The following PTPRD variants were observed in gnomAD, a reference collection of about 807,000 sequenced individuals.
The protein encoded by PTPRD is protein tyrosine phosphatase receptor type D.
PTPRD carries 34 observed loss-of-function variants against 214.5 expected under a neutral mutation model. The ratio of observed to expected loss-of-function variants is 0.16; its 90% CI spans 0.12 to 0.21. The LOEUF is 0.21. Ranked by LOEUF, PTPRD falls within the 10% of genes least tolerant of loss-of-function variation. PTPRD has a pLI of 1.00. For synonymous variants in PTPRD, 1,128 were observed against 845.7 expected, an observed-to-expected ratio of 1.33 and a Z score of -5.79; for missense variants, 2,545 against 2,398.7, an observed-to-expected ratio of 1.06 and a Z score of -1.27.
intron 9 of PTPRD, among the ~76,000 whole-genome samples, chr9:9,283,210 C>T (rs1250544283): frequency 6.6e-6 from 1 of 151,432 alleles, no homozygotes; most frequent in Non-Finnish European, 1.5e-5. Flanking sequence ...AGATGAGGTA[C>T]AAAACTTCAC....
At chr9:9,113,858 C>T (rs1425823220) in intron 10 of PTPRD, among the ~76,000 whole-genome samples, 1 of 152,102 alleles carries the variant, frequency 6.6e-6, no homozygotes, top group African/African-American at 2.4e-5. Flanking sequence ...ACTCAGTTCT[C>T]TTTATAGATA....
intron 14 of PTPRD, among the ~76,000 whole-genome samples, chr9:8,565,029 C>A (rs1459944955): frequency 6.6e-6 from 1 of 152,012 alleles, no homozygotes; most frequent in African/African-American, 2.4e-5. Flanking sequence ...TGAAAAATGC[C>A]CTCAAATGAA....
At chr9:10,220,758 T>A (rs2099568279) in intron 3 of PTPRD, among the ~76,000 whole-genome samples, 1 of 151,866 alleles carries the variant, frequency 6.6e-6, no homozygotes, top group South Asian at 2.1e-4. Context: ...ATCTATTATA[T>A]GTGTTTGTAT....
rs1372313981 is a variant in PTPRD, at chr9:8,486,318, G to A, written c.2499C>T (p.His833=). 9 of 1,614,050 alleles carry A rather than the reference G, an allele frequency of 5.6e-6. No homozygotes were observed. The highest frequency in any genetic ancestry group is 1.3e-5 in the African/African-American group (1 of 74,934). ...VPGKPRLVIN[H]TQMNTALIQW... is the part of the protein sequence containing the mutation. ...GAATAAGAGCAGTATTCATCTGAGT[G>A]TGGTTAATCACAAGCCGAGGTTTCC... is the stretch of plus-strand genomic sequence containing the variant. The change falls in exon 28 of 46, where the codon CAC becomes CAT. Residue 833 remains histidine (H), a synonymous_variant. Coordinates refer to ENST00000381196, the MANE Select transcript of PTPRD (RefSeq NM_002839.4).
chr9:10,022,289 TTGTTA>T (rs896033906), intron 4 of PTPRD, among the ~76,000 whole-genome samples: 2 of 110,898 alleles, frequency 1.8e-5, no homozygotes, highest in Non-Finnish European at 3.7e-5. Flanking sequence ...ACTTTCTTCC[TTGTTA>T]TGTTCGATGA....
rs1314239742 is a variant in PTPRD, at chr9:9,947,576, T to A, written c.-471-8966A>T. Among the ~76,000 whole-genome samples the A allele has an allele frequency of 3.7e-3, 174 of 46,598 alleles. 9 individuals are homozygous for A. In the South Asian group the frequency reaches 0.061, roughly 16 times the overall value. 30.6% of individuals were successfully genotyped at this position (46,598 alleles called of 152,430 possible). A position where few individuals can be genotyped will look rare whatever the true frequency, so the allele number is the denominator to read the frequency against. On this transcript the variant is annotated intron_variant, in intron 4 of 45. Transcript: ENST00000381196. Reference sequence around the variant, plus strand: ...TTATATATATATTTTATATATATATTATATATATATTATATATATAATATA... The same window carrying A: ...TTATATATATATTTTATATATATATAATATATATATTATATATATAATATA...
intron 9 of PTPRD, among the ~76,000 whole-genome samples, chr9:9,335,453 T>C (rs1442960350): frequency 6.6e-6 from 1 of 152,058 alleles, no homozygotes; most frequent in Non-Finnish European, 1.5e-5. Flanking sequence ...TTTTAACGGG[T>C]AGTGTACAGT....
intron 9 of PTPRD, among the ~76,000 whole-genome samples, chr9:9,301,420 T>C (rs576478968): frequency 6.6e-6 from 1 of 151,964 alleles, no homozygotes; most frequent in South Asian, 2.1e-4. Context: ...ATCATAAAGA[T>C]GGTGGCACAG....
chr9:9,296,279 G>C (rs867839736), intron 9 of PTPRD, among the ~76,000 whole-genome samples: 4 of 151,682 alleles, frequency 2.6e-5, no homozygotes, highest in South Asian at 2.1e-4. Flanking sequence ...TGGGACAAAT[G>C]TTCTCACATG....
chr9:8,440,971 T>G (rs749009316), intron 34 of PTPRD, among the ~76,000 whole-genome samples: 3 of 152,166 alleles, frequency 2.0e-5, no homozygotes, highest in Non-Finnish European at 4.4e-5. Context: ...AACATGCAGC[T>G]TGGGCATCTT....
At chr9:8,456,115 C>G (rs2096190347) in intron 33 of PTPRD, among the ~76,000 whole-genome samples, 2 of 152,096 alleles carry the variant, frequency 1.3e-5, no homozygotes, top group African/African-American at 4.8e-5. Context: ...GACTTGTATA[C>G]ATTTAATTAT....
At chr9:9,378,198 C>T (rs897312324) in intron 9 of PTPRD, among the ~76,000 whole-genome samples, 3 of 152,162 alleles carry the variant, frequency 2.0e-5, no homozygotes, top group African/African-American at 4.8e-5. Flanking sequence ...CTAATCCACA[C>T]TGCAACCCCT....
intron 10 of PTPRD, among the ~76,000 whole-genome samples, chr9:9,078,696 G>C (rs2099754663): frequency 6.6e-6 from 1 of 152,026 alleles, no homozygotes; most frequent in African/African-American, 2.4e-5. Context: ...GGAAAGTATG[G>C]ATGGCAAAGG....
intron 2 of PTPRD, among the ~76,000 whole-genome samples, chr9:10,358,216 G>A (rs2097312485): frequency 6.6e-6 from 1 of 151,976 alleles, no homozygotes; most frequent in South Asian, 2.1e-4. Flanking sequence ...TCTACATAAT[G>A]AATTAACAGT....
intron 3 of PTPRD, among the ~76,000 whole-genome samples, chr9:10,162,198 A>C (rs2099131356): frequency 6.6e-6 from 1 of 151,510 alleles, no homozygotes; most frequent in Non-Finnish European, 1.5e-5. Flanking sequence ...GCTGGGTATA[A>C]AGCCAAGAGA....
chr9:10,097,434 T>C (rs2098502535), intron 3 of PTPRD, among the ~76,000 whole-genome samples: 1 of 150,848 alleles, frequency 6.6e-6, no homozygotes, highest in Admixed American at 6.6e-5. Flanking sequence ...TTTGTAGTTC[T>C]CCTTGAAGAG....
intron 5 of PTPRD, among the ~76,000 whole-genome samples, chr9:9,821,098 C>T (rs1453592266): frequency 6.6e-6 from 1 of 152,076 alleles, no homozygotes; most frequent in Non-Finnish European, 1.5e-5. Context: ...TTGATTATTT[C>T]AATCCATGAG....
intron 8 of PTPRD, among the ~76,000 whole-genome samples, chr9:9,499,829 T>A (rs1414584058): frequency 6.6e-6 from 1 of 152,024 alleles, no homozygotes; most frequent in African/African-American, 2.4e-5. Flanking sequence ...CACTGTCTCA[T>A]AAATAAAAGA....
chr9:10,471,306 T>C (rs2099029696), intron 2 of PTPRD, among the ~76,000 whole-genome samples: 1 of 152,050 alleles, frequency 6.6e-6, no homozygotes, highest in Non-Finnish European at 1.5e-5. Context: ...AAAAAATAAA[T>C]AAAATAAAAT....
Sources: gnomAD v4.1 joint callset for allele counts (sites outside exome capture counted in the v4.1 genomes callset) on GRCh38, gnomAD v4.1.1 for gene constraint, MANE v1.5 for transcripts, NCBI Gene and HGNC (gene_info 2026-07-23, HGNC 2026-07-21) for gene names.